PKHD1: variants seen among roughly 807,000 people sequenced by gnomAD.
PKHD1 encodes the protein fibrocystin.
PKHD1 carries 291 observed loss-of-function variants against 412.0 expected under a neutral mutation model. The observed-to-expected ratio is 0.71, with a 90% CI of 0.64 to 0.78. The LOEUF (loss-of-function observed/expected upper bound fraction) is 0.78, where lower values mean the gene tolerates loss of function less well. Ranked by LOEUF, PKHD1 falls within the 30% of genes least tolerant of loss-of-function variation. The probability of loss-of-function intolerance (pLI) is 0.00; values close to 1 mark genes in which losing one functional copy is unlikely to be tolerated. For missense variants in PKHD1, 4,825 were observed against 4,950.7 expected (o/e 0.97, Z 0.76); for synonymous variants, 1,777 against 1,821.5 (o/e 0.98, Z 0.62).
At chr6:51,620,068 C>T (rs1013625922) in intron 66 of PKHD1, among the ~76,000 whole-genome samples, 12 of 152,166 alleles carry the variant, frequency 7.9e-5, no homozygotes, top group Non-Finnish European at 5.9e-5. Context: ...AGAGATGGCA[C>T]ATTACACTCA....
chr6:51,708,831 A>G (rs1026570606), intron 60 of PKHD1, among the ~76,000 whole-genome samples: 1 of 152,228 alleles, frequency 6.6e-6, no homozygotes, highest in Non-Finnish European at 1.5e-5. Flanking sequence ...ATGGCTTGTT[A>G]TGAAACAGCC....
chr6:52,025,925 A>C lies in PKHD1; in HGVS notation c.3885T>G (p.Tyr1295Ter), dbSNP rs1323044309. 1 of 1,614,162 alleles carries C rather than the reference A, an allele frequency of 6.2e-7. No individual in the cohort carries two copies. The highest frequency in any genetic ancestry group is 8.5e-7 in the Non-Finnish European group (1 of 1,180,036). The change falls in exon 32 of 67, where the codon TAT becomes TAG. Residue 1295 changes from tyrosine (Y) to a stop codon, truncating the protein, a stop_gained. Coordinates refer to ENST00000371117, the MANE Select transcript of PKHD1 (RefSeq NM_138694.4). LOFTEE classifies it high-confidence loss of function. ...TGACTACTGGTGTTGCTGCCGCTTC[A>C]TACATGAAGGTGAAGCCTTTCCCCA... ...SLVGKGFTFM[Y>*]EAAATPVVTA...
chr6:51,899,041 A>G (rs1042343803), intron 43 of PKHD1, among the ~76,000 whole-genome samples: 4 of 152,204 alleles, frequency 2.6e-5, no homozygotes, highest in African/African-American at 9.7e-5. Context: ...ACCAACCAAA[A>G]AGAGTCCAGG....
intron 65 of PKHD1, 38 bp from the exon 66 acceptor site, chr6:51,627,154 G>GATAAAAAGAACATTT: frequency 1.1e-5 from 17 of 1,599,570 alleles, no homozygotes; most frequent in African/African-American, 2.7e-5. Context: ...TTTTTGTTCA[G>GATAAAAAGAACATTT]TTGTAAGTGG....
chr6:52,026,691 T>C (rs1338776365), intron 31 of PKHD1, among the ~76,000 whole-genome samples: 3 of 152,208 alleles, frequency 2.0e-5, no homozygotes, highest in African/African-American at 7.2e-5. Context: ...TCTAATATAT[T>C]CTATTTATTG....
At chr6:51,688,796 C>T (rs2150609608) in intron 60 of PKHD1, among the ~76,000 whole-genome samples, 1 of 152,162 alleles carries the variant, frequency 6.6e-6, no homozygotes, top group Admixed American at 6.5e-5. Flanking sequence ...CAAGGCTAAA[C>T]CAGGAAGAAA....
At chr6:51,996,823 G>A (rs1562090666) in intron 35 of PKHD1, among the ~76,000 whole-genome samples, 1 of 152,240 alleles carries the variant, frequency 6.6e-6, no homozygotes, top group Non-Finnish European at 1.5e-5. Flanking sequence ...CAAGGTCATT[G>A]AGGTCAAGTG....
rs752776137 is a variant in PKHD1, at chr6:51,754,793, G to A, written c.8788C>T (p.Arg2930Trp). The A allele has an allele frequency of 1.5e-5, 24 of 1,613,196 alleles. No individual in the cohort carries two copies. Among genetic ancestry groups the A allele is most frequent in the Middle Eastern group, 1.6e-4 (1 of 6,078 alleles). The change falls in exon 56 of 67, where the codon CGG becomes TGG. Residue 2930 changes from arginine to tryptophan, a missense_variant. Transcript: ENST00000371117. Reference protein sequence around the residue: ...HVRIYERLKHRHIGSVHVTED... With the variant: ...HVRIYERLKHWHIGSVHVTED... Reference sequence around the variant, plus strand: ...CAAACCAAAGCCTTACCAATATGCCGGTGTTTGAGCCGTTCATAGATCCTC... The same window carrying A: ...CAAACCAAAGCCTTACCAATATGCCAGTGTTTGAGCCGTTCATAGATCCTC...
chr6:51,696,274 GAC>G (rs1778792712), intron 60 of PKHD1, among the ~76,000 whole-genome samples: 1 of 152,136 alleles, frequency 6.6e-6, no homozygotes, highest in South Asian at 2.1e-4. Flanking sequence ...GTGATGGGCA[GAC>G]ACAAAGTCAG....
intron 61 of PKHD1, among the ~76,000 whole-genome samples, chr6:51,654,916 G>A (rs1406084859): frequency 6.6e-6 from 1 of 151,966 alleles, no homozygotes; most frequent in Non-Finnish European, 1.5e-5. Context: ...TTTTTTTAAC[G>A]ATTAAGAGTT....
At chr6:51,982,880 T>TAAAAAAAAAAAAAA (rs777201105) in intron 35 of PKHD1, among the ~76,000 whole-genome samples, 1 of 135,944 alleles carries the variant, frequency 7.4e-6, no homozygotes, top group Admixed American at 7.5e-5. Flanking sequence ...TAAAATAAAA[T>TAAAAAAAAAAAAAA]AAAATAAAAT....
At chr6:51,702,602 G>T (rs1004330852) in intron 60 of PKHD1, among the ~76,000 whole-genome samples, 1 of 151,588 alleles carries the variant, frequency 6.6e-6, no homozygotes, top group African/African-American at 2.4e-5. Context: ...CTGAGAAATT[G>T]GTACAAATTA....
chr6:51,726,178 G>A (rs763186816), intron 60 of PKHD1, among the ~76,000 whole-genome samples: 4 of 152,072 alleles, frequency 2.6e-5, no homozygotes, highest in African/African-American at 7.2e-5. Context: ...AGAAGTTCAC[G>A]TTCATGTCAC....
chr6:51,760,485 G>A (rs190541566), intron 55 of PKHD1, among the ~76,000 whole-genome samples: 29 of 152,090 alleles, frequency 1.9e-4, no homozygotes, highest in African/African-American at 6.0e-4. Flanking sequence ...TTGTAGAGTC[G>A]GAGATACCTA....
intron 53 of PKHD1, among the ~76,000 whole-genome samples, chr6:51,786,525 AGTATATCAG>A (rs1173428687): frequency 6.6e-6 from 1 of 152,166 alleles, no homozygotes; most frequent in Non-Finnish European, 1.5e-5. Context: ...TCCTTGGCAT[AGTATATCAG>A]GTCAAGGTGC....
intron 66 of PKHD1, among the ~76,000 whole-genome samples, chr6:51,620,340 C>A (rs975760656): frequency 6.6e-6 from 1 of 151,982 alleles, no homozygotes; most frequent in Admixed American, 6.6e-5. Flanking sequence ...GATCTAGGCA[C>A]CATATAATAC....
At chr6:51,975,963 T>TAAAAAAAA (rs66774242) in intron 35 of PKHD1, 81 of 69,770 alleles carry the variant, frequency 1.2e-3, no homozygotes, top group Non-Finnish European at 1.4e-3. Context: ...TTTCTCTAAT[T>TAAAAAAAA]AAAAAAAAAA....
In PKHD1 at chr6:51,829,125, A is replaced by G. The variant is rs181333038; in HGVS notation, c.8302+1736T>C. On this transcript the variant is annotated intron_variant, in intron 52 of 66. Coordinates refer to ENST00000371117, the MANE Select transcript of PKHD1 (RefSeq NM_138694.4). ...ACAATAACACTGAAAGGCCAACTGGAAAGTCCTTTCTACATCCAATGCCTG... is the reference window on the plus strand; with the variant it reads ...ACAATAACACTGAAAGGCCAACTGGGAAGTCCTTTCTACATCCAATGCCTG... 1.4e-4 allele frequency among the ~76,000 whole-genome samples: 21 copies of G among 152,278 alleles called. No individual in the cohort carries two copies. The East Asian group carries it at 2.5e-3, about 18-fold the overall frequency.
chr6:51,710,755 G>A (rs543704773), intron 60 of PKHD1, among the ~76,000 whole-genome samples: 2 of 152,270 alleles, frequency 1.3e-5, no homozygotes, highest in South Asian at 4.1e-4. Context: ...CTTATGTAAT[G>A]TTTTTACTCA....
Sources: gnomAD v4.1 joint callset for allele counts (sites outside exome capture counted in the v4.1 genomes callset) on GRCh38, gnomAD v4.1.1 for gene constraint, MANE v1.5 for transcripts, NCBI Gene and HGNC (gene_info 2026-07-23, HGNC 2026-07-21) for gene names.